LAMA2: variants seen among roughly 807,000 people sequenced by gnomAD.
LAMA2 encodes the protein laminin subunit alpha-2.
A neutral mutation model predicts 364.8 loss-of-function variants in LAMA2; 269 were observed. The observed-to-expected ratio is 0.74, with a 90% CI of 0.67 to 0.82. LAMA2 has a LOEUF of 0.82. Among genes scored for constraint, LAMA2 ranks in the 40% least tolerant of loss-of-function variants. LAMA2 has a pLI of 0.00. For synonymous variants in LAMA2, 1,379 were observed against 1,370.6 expected (o/e 1.01, Z -0.14); for missense variants, 3,807 against 3,873.2 (o/e 0.98, Z 0.45).
At chr6:128,960,295 C>T (rs1049404745) in intron 1 of LAMA2, among the ~76,000 whole-genome samples, 1 of 149,638 alleles carries the variant, frequency 6.7e-6, no homozygotes, top group Non-Finnish European at 1.5e-5. Flanking sequence ...GATTAATCCC[C>T]TAGCTTTTTG....
At chr6:129,023,085 C>T (rs116164094) in intron 1 of LAMA2, among the ~76,000 whole-genome samples, 303 of 152,288 alleles carry the variant, frequency 2.0e-3, no homozygotes, top group African/African-American at 7.0e-3. Flanking sequence ...ACCCTCCCTG[C>T]ATCCATGTTC....
chr6:129,276,356 A>G (rs1450772903), intron 17 of LAMA2, among the ~76,000 whole-genome samples: 1 of 152,174 alleles, frequency 6.6e-6, no homozygotes, highest in Non-Finnish European at 1.5e-5. Flanking sequence ...ACCCATGATT[A>G]AAGGAGTGCT....
At chr6:129,032,793 T>G (rs1786329603) in intron 1 of LAMA2, among the ~76,000 whole-genome samples, 1 of 152,168 alleles carries the variant, frequency 6.6e-6, no homozygotes, top group South Asian at 2.1e-4. Context: ...GATCTGATAT[T>G]TATTTCGGAG....
At chr6:129,147,799 C>T (rs905818786) in intron 6 of LAMA2, among the ~76,000 whole-genome samples, 1 of 151,956 alleles carries the variant, frequency 6.6e-6, no homozygotes, top group Non-Finnish European at 1.5e-5. Flanking sequence ...ATACTCAAAG[C>T]TAGTTTTCTG....
intron 3 of LAMA2, among the ~76,000 whole-genome samples, chr6:129,080,313 G>A (rs755502585): frequency 1.3e-5 from 2 of 152,090 alleles, no homozygotes. Flanking sequence ...TACTCCAGAT[G>A]ACCTGAACCT....
chr6:129,330,767 A>G (rs1376939744), intron 29 of LAMA2, among the ~76,000 whole-genome samples: 3 of 151,332 alleles, frequency 2.0e-5, no homozygotes, highest in African/African-American at 7.3e-5. Flanking sequence ...TTTCATTGGT[A>G]TTACTGCTTT....
intron 4 of LAMA2, among the ~76,000 whole-genome samples, chr6:129,120,761 A>G (rs1382791285): frequency 1.3e-5 from 2 of 152,206 alleles, no homozygotes; most frequent in Non-Finnish European, 2.9e-5. Flanking sequence ...CTTCAAGGAA[A>G]TTAATATCCT....
chr6:129,262,502 A>C (rs1787204748), intron 15 of LAMA2, among the ~76,000 whole-genome samples: 1 of 152,116 alleles, frequency 6.6e-6, no homozygotes, highest in African/African-American at 2.4e-5. Flanking sequence ...AAAAAAGGAG[A>C]GATAATAAAA....
At chr6:129,252,386 C>G (rs974537284) in intron 14 of LAMA2, 91 bp downstream of exon 14, 2 of 873,396 alleles carry the variant, frequency 2.3e-6, no homozygotes, top group African/African-American at 1.7e-5. Flanking sequence ...TTTAAGGCAC[C>G]TAGGATTTGC....
intron 39 of LAMA2, among the ~76,000 whole-genome samples, chr6:129,403,444 C>A (rs774829676): frequency 1.3e-5 from 2 of 152,106 alleles, no homozygotes; most frequent in Non-Finnish European, 2.9e-5. Context: ...AGTGCACCTA[C>A]CCCAGAAAGA....
rs142480948 is a variant in LAMA2 at position 129,439,162 on chromosome 6, C to G, written c.6085+400C>G. Among the ~76,000 whole-genome samples, 588 of 152,052 alleles carry G rather than the reference C, an allele frequency of 3.9e-3. 2 individuals are homozygous for G. Among genetic ancestry groups the G allele is most frequent in the Middle Eastern group, 6.8e-3 (2 of 294 alleles). On this transcript the variant is annotated intron_variant, in intron 42 of 64. Coordinates refer to ENST00000421865, the MANE Select transcript of LAMA2 (RefSeq NM_000426.4). Reference sequence around the variant, plus strand: ...TAACCTATGCATAGCCTCCCATATACTTTAATCCCTAGATCATTTATAATA... The same window carrying G: ...TAACCTATGCATAGCCTCCCATATAGTTTAATCCCTAGATCATTTATAATA...
At position 129,440,914 on chromosome 6, in the gene LAMA2, C is replaced by T; in HGVS notation, c.6184C>T (p.Leu2062Phe). Residue 2062 changes from leucine to phenylalanine, a missense_variant, in exon 43 of 65, where the codon CTC becomes TTC. Leu to Phe is a conservative substitution (Grantham distance 22, BLOSUM62 0). This residue lies in a region of LAMA2 where 3,333 missense variants were observed against 3,345.7 expected (regional missense o/e 1.00). Transcript: ENST00000421865. ...ACAGATTACAGAGCTCCACCAGAAC[C>T]TCGATGGCCTGAAGAAGAATTACAA... ...LAQITELHQN[L>F]DGLKKNYNKL... 1 of 1,613,934 alleles carries T rather than the reference C, an allele frequency of 6.2e-7. No homozygotes were observed. The highest frequency in any genetic ancestry group is 8.5e-7 in the Non-Finnish European group (1 of 1,179,872).
intron 14 of LAMA2, among the ~76,000 whole-genome samples, chr6:129,256,337 A>C (rs1343348980): frequency 1.3e-5 from 2 of 152,174 alleles, no homozygotes; most frequent in Admixed American, 6.5e-5. Flanking sequence ...TACTTAAATG[A>C]AATGTCTTTC....
At chr6:129,089,743 G>A (rs1238070157) in intron 3 of LAMA2, among the ~76,000 whole-genome samples, 3 of 152,192 alleles carry the variant, frequency 2.0e-5, no homozygotes, top group Admixed American at 2.0e-4. Flanking sequence ...TGCAGCTGAC[G>A]TTGTTAAAAA....
intron 12 of LAMA2, among the ~76,000 whole-genome samples, chr6:129,213,275 C>T (rs768536754): frequency 1.3e-5 from 2 of 152,276 alleles, no homozygotes; most frequent in South Asian, 2.1e-4. Context: ...TATCCATTTA[C>T]CTCCTGAAAA....
chr6:128,912,205 A>G (rs186786568), intron 1 of LAMA2, among the ~76,000 whole-genome samples: 28 of 152,326 alleles, frequency 1.8e-4, no homozygotes, highest in African/African-American at 6.7e-4. Context: ...TTAATTTTAT[A>G]ATAGACAAAT....
intron 3 of LAMA2, among the ~76,000 whole-genome samples, chr6:129,069,797 TATA>T (rs1273097598): frequency 2.7e-5 from 4 of 148,246 alleles, no homozygotes; most frequent in South Asian, 2.1e-4. Context: ...TTATATACAA[TATA>T]ATAAAAATGT....
intron 43 of LAMA2, among the ~76,000 whole-genome samples, chr6:129,442,483 T>C (rs1428242800): frequency 6.6e-6 from 1 of 152,202 alleles, no homozygotes; most frequent in African/African-American, 2.4e-5. Flanking sequence ...TTTAATCAAA[T>C]ATTACTATCT....
chr6:129,110,176 T>C (rs1776066314), intron 4 of LAMA2, among the ~76,000 whole-genome samples: 1 of 151,888 alleles, frequency 6.6e-6, no homozygotes, highest in South Asian at 2.1e-4. Context: ...GAACTGAAAA[T>C]TATAAACTGT....
Sources: allele counts gnomAD v4.1 joint callset (sites outside exome capture counted in the v4.1 genomes callset), GRCh38; gene constraint gnomAD v4.1.1; regional missense constraint gnomAD v4.1.1; transcripts MANE v1.5; gene names NCBI Gene and HGNC (gene_info 2026-07-23, HGNC 2026-07-21).